CDYL2: variants seen among roughly 807,000 people sequenced by gnomAD.
CDYL2 encodes the protein chromodomain Y-like protein 2.
A neutral mutation model predicts 49.4 loss-of-function variants in CDYL2; 23 were observed. The observed-to-expected ratio is 0.47, with a 90% CI of 0.34 to 0.66. CDYL2 has a LOEUF of 0.66. CDYL2 is among the 30% of genes least tolerant of loss of function. The probability of loss-of-function intolerance (pLI) is 0.01; values close to 1 mark genes in which losing one functional copy is unlikely to be tolerated. For missense variants in CDYL2, 678 were observed against 656.4 expected (o/e 1.03, Z -0.36); for synonymous variants, 360 against 268.8 (o/e 1.34, Z -3.32).
chr16:80,657,685 T>A (rs536998368), intron 2 of CDYL2, among the ~76,000 whole-genome samples: 1 of 152,246 alleles, frequency 6.6e-6, no homozygotes, highest in Admixed American at 6.5e-5. Flanking sequence ...TCAGGCATTA[T>A]CTTCATTGTG....
At chr16:80,656,386 C>A (rs76854915) in intron 2 of CDYL2, among the ~76,000 whole-genome samples, 3,910 of 152,354 alleles carry the variant, frequency 0.026, 136 homozygotes, top group African/African-American at 0.07. Flanking sequence ...AGGGTGACGT[C>A]CAGTCGGGGG....
chr16:80,794,487 G>A (rs1907706978), intron 1 of CDYL2, among the ~76,000 whole-genome samples: 1 of 151,492 alleles, frequency 6.6e-6, no homozygotes, highest in Non-Finnish European at 1.5e-5. Flanking sequence ...CACCAAAAAA[G>A]GAACTGACAT....
intron 2 of CDYL2, among the ~76,000 whole-genome samples, chr16:80,633,521 C>T (rs977827547): frequency 1.3e-5 from 2 of 152,194 alleles, no homozygotes; most frequent in Non-Finnish European, 2.9e-5. Flanking sequence ...ATTCCTTGGC[C>T]ACAGGGAATC....
intron 1 of CDYL2, among the ~76,000 whole-genome samples, chr16:80,760,114 C>T (rs1240575915): frequency 1.3e-5 from 2 of 152,142 alleles, no homozygotes; most frequent in Non-Finnish European, 2.9e-5. Context: ...CTATAGGACT[C>T]CCTTAGACTA....
At position 80,672,342 on chromosome 16, in the gene CDYL2, C is replaced by CAA; in HGVS notation, c.616+12195_616+12196insTT. On this transcript the variant is annotated intron_variant, in intron 2 of 6. Transcript: ENST00000570137. ...TTACACACACACACACACACACACA[C>CAA]ACACACACACAGAGAGAGAGAGAGA... Among the ~76,000 whole-genome samples the CAA allele has an allele frequency of 2.4e-5, 3 of 125,086 alleles. No individual in the cohort carries two copies. In the South Asian group the frequency reaches 8.2e-4, roughly 34 times the overall value. 82.1% of individuals were successfully genotyped at this position (125,086 alleles called of 152,430 possible). A position where few individuals can be genotyped will look rare whatever the true frequency, so the allele number is the denominator to read the frequency against.
At chr16:80,666,643 A>G (rs1407371936) in intron 2 of CDYL2, among the ~76,000 whole-genome samples, 2 of 152,216 alleles carry the variant, frequency 1.3e-5, no homozygotes, top group Non-Finnish European at 2.9e-5. Flanking sequence ...GAGCCCTGAC[A>G]AAATACGGGC....
At chr16:80,760,812 G>C (rs527322464) in intron 1 of CDYL2, among the ~76,000 whole-genome samples, 1 of 151,664 alleles carries the variant, frequency 6.6e-6, no homozygotes, top group South Asian at 2.1e-4. Flanking sequence ...AGAACATTCA[G>C]AGTTGAACAG....
chr16:80,699,163 T>C (rs377334986), intron 1 of CDYL2, among the ~76,000 whole-genome samples: 4 of 152,300 alleles, frequency 2.6e-5, no homozygotes, highest in African/African-American at 7.2e-5. Flanking sequence ...TGGGTATATA[T>C]CCAAAGGAAG....
At chr16:80,662,162 G>C (rs1238915685) in intron 2 of CDYL2, among the ~76,000 whole-genome samples, 3 of 152,326 alleles carry the variant, frequency 2.0e-5, no homozygotes, top group African/African-American at 7.2e-5. Context: ...CTCACACCTA[G>C]ATGACTAACT....
intron 2 of CDYL2, among the ~76,000 whole-genome samples, chr16:80,664,515 G>C (rs1170999344): frequency 6.6e-6 from 1 of 152,180 alleles, no homozygotes; most frequent in Non-Finnish European, 1.5e-5. Flanking sequence ...TGAGTTCTTT[G>C]GAAGACACGG....
chr16:80,665,466 G>C (rs868534401), intron 2 of CDYL2, among the ~76,000 whole-genome samples: 1 of 131,390 alleles, frequency 7.6e-6, no homozygotes, highest in Non-Finnish European at 1.6e-5. Context: ...CTGCCACCAA[G>C]TATTAGGTTG....
At chr16:80,680,986 T>C (rs1422000585) in intron 2 of CDYL2, among the ~76,000 whole-genome samples, 1 of 152,088 alleles carries the variant, frequency 6.6e-6, no homozygotes, top group Non-Finnish European at 1.5e-5. Context: ...AAGAGCAGTG[T>C]AGAACTGCTG....
Position 80,804,198 on chromosome 16 carries a change from C to T in CDYL2, c.-25G>A, listed in dbSNP as rs1367377032. 4 of 1,337,116 alleles carry T rather than the reference C, an allele frequency of 3.0e-6. No individual in the cohort carries two copies. Among genetic ancestry groups the T allele is most frequent in the Admixed American group, 2.6e-5 (1 of 38,544 alleles). 82.8% of individuals were successfully genotyped at this position (1,337,116 alleles called of 1,614,324 possible). A position where few individuals can be genotyped will look rare whatever the true frequency, so the allele number is the denominator to read the frequency against. On this transcript the variant is annotated 5_prime_UTR_variant, in exon 1 of 7. Transcript: ENST00000570137. ...TGCCAGGCTGCGGAACTTGGCTCGC[C>T]GGTGTGCGCGTCTGCTCGCTCGCGC...
chr16:80,646,659 T>A (rs1162839298), intron 2 of CDYL2, among the ~76,000 whole-genome samples: 1 of 151,986 alleles, frequency 6.6e-6, no homozygotes, highest in Non-Finnish European at 1.5e-5. Flanking sequence ...CAGAGTGGCG[T>A]GTGCCTGTAA....
intron 4 of CDYL2, among the ~76,000 whole-genome samples, chr16:80,616,550 G>A (rs1280235559): frequency 1.3e-5 from 2 of 152,084 alleles, no homozygotes; most frequent in Non-Finnish European, 2.9e-5. Flanking sequence ...CCAGAGGCAT[G>A]GAGGAGAACC....
intron 1 of CDYL2, among the ~76,000 whole-genome samples, chr16:80,792,590 T>C (rs952105187): frequency 3.9e-5 from 6 of 152,024 alleles, no homozygotes; most frequent in African/African-American, 1.4e-4. Context: ...CAACCAAAAG[T>C]ACAACCAAGG....
chr16:80,780,296 C>T (rs1216465224), intron 1 of CDYL2, among the ~76,000 whole-genome samples: 1 of 150,894 alleles, frequency 6.6e-6, no homozygotes, highest in African/African-American at 2.4e-5. Flanking sequence ...TCAATAACAA[C>T]ATGAAACTAC....
At chr16:80,715,243 A>C (rs544351543) in intron 1 of CDYL2, among the ~76,000 whole-genome samples, 1 of 152,274 alleles carries the variant, frequency 6.6e-6, no homozygotes, top group East Asian at 1.9e-4. Flanking sequence ...TCCACAGCAC[A>C]TGATACAGTT....
At chr16:80,678,646 A>C (rs1338252201) in intron 2 of CDYL2, among the ~76,000 whole-genome samples, 2 of 149,024 alleles carry the variant, frequency 1.3e-5, no homozygotes, top group South Asian at 4.3e-4. Flanking sequence ...AAATAGGAAC[A>C]CTTTTACACT....
Sources: gnomAD v4.1 joint callset for allele counts (sites outside exome capture counted in the v4.1 genomes callset) on GRCh38, gnomAD v4.1.1 for gene constraint, MANE v1.5 for transcripts, NCBI Gene and HGNC (gene_info 2026-07-23, HGNC 2026-07-21) for gene names.